GALNT13: variants seen among roughly 807,000 people sequenced by gnomAD.
GALNT13 encodes polypeptide N-acetylgalactosaminyltransferase 13, also known as UDP-GalNAc:polypeptide N-acetylgalactosaminyltransferase 13.
GALNT13 carries 28 observed loss-of-function variants against 64.2 expected under a neutral mutation model. The observed-to-expected ratio is 0.44, with a 90% CI of 0.32 to 0.60. The LOEUF is 0.60. Ranked by LOEUF, GALNT13 falls within the 20% of genes least tolerant of loss-of-function variation. The pLI is 0.05. For synonymous variants in GALNT13, 214 were observed against 224.6 expected (o/e 0.95, Z 0.42); for missense variants, 577 against 669.8 (o/e 0.86, Z 1.53).
At chr2:153,418,285 C>T in the GALNT13 span, among the ~76,000 whole-genome samples, 2 of 152,140 alleles carry the variant, frequency 1.3e-5, no homozygotes, top group African/African-American at 4.8e-5. Context: ...CAAATTCCCC[C>T]CTAGCACCTC....
intron 9 of GALNT13, among the ~76,000 whole-genome samples, chr2:154,302,487 T>A (rs182848360): frequency 6.6e-6 from 1 of 152,300 alleles, no homozygotes; most frequent in Admixed American, 6.5e-5. Context: ...GCTATTTGAT[T>A]TTAATTGGCA....
intron 1 of GALNT13, among the ~76,000 whole-genome samples, chr2:153,899,835 A>C (rs1688108457): frequency 1.3e-5 from 2 of 151,584 alleles, no homozygotes; most frequent in South Asian, 4.2e-4. Context: ...TTTGGTACTT[A>C]AGGGGATTTT....
At chr2:153,500,947 A>G in the GALNT13 span, among the ~76,000 whole-genome samples, 521 of 152,316 alleles carry the variant, frequency 3.4e-3, 3 homozygotes, top group African/African-American at 0.012. Flanking sequence ...TATAACTGAA[A>G]AAGATTAAGC....
the GALNT13 span, among the ~76,000 whole-genome samples, chr2:153,797,635 G>T: frequency 1.3e-5 from 2 of 152,168 alleles, no homozygotes; most frequent in Non-Finnish European, 2.9e-5. Flanking sequence ...TTTGGTAACG[G>T]GAAGTGTGTT....
chr2:154,194,782 G>A (rs1382799762), intron 4 of GALNT13, among the ~76,000 whole-genome samples: 1 of 151,474 alleles, frequency 6.6e-6, no homozygotes, highest in Non-Finnish European at 1.5e-5. Context: ...TGAAGTCAGA[G>A]AGATTAAGCA....
chr2:153,733,869 G>A, the GALNT13 span, among the ~76,000 whole-genome samples: 1 of 152,128 alleles, frequency 6.6e-6, no homozygotes, highest in Non-Finnish European at 1.5e-5. Flanking sequence ...CCAGCAGACC[G>A]TCCTTTTAAA....
intron 8 of GALNT13, among the ~76,000 whole-genome samples, chr2:154,262,990 T>C (rs1690782340): frequency 6.6e-6 from 1 of 152,144 alleles, no homozygotes; most frequent in Non-Finnish European, 1.5e-5. Context: ...CAAAAGTCCT[T>C]GTCTTTTATA....
At chr2:153,091,115 T>G in the GALNT13 span, among the ~76,000 whole-genome samples, 1 of 152,124 alleles carries the variant, frequency 6.6e-6, no homozygotes, top group Non-Finnish European at 1.5e-5. Context: ...CCACTCATCC[T>G]CTGGATTCTG....
chr2:153,368,210 A>G, the GALNT13 span, among the ~76,000 whole-genome samples: 2 of 152,140 alleles, frequency 1.3e-5, no homozygotes, highest in African/African-American at 2.4e-5. Context: ...AAGTGGTGGT[A>G]TTAGGAGGTG....
rs528731354 is a variant in GALNT13 at position 154,030,743 on chromosome 2, C to T, written c.142+86104C>T. ...CATCTGGCTTTTAAAATTTGTAGCACTCCCACCTTCACTTGCCCTCTCTCC... is the reference window on the plus strand; with the variant it reads ...CATCTGGCTTTTAAAATTTGTAGCATTCCCACCTTCACTTGCCCTCTCTCC... On this transcript the variant is annotated intron_variant, in intron 3 of 12. Transcript: ENST00000392825. 1.8e-4 allele frequency among the ~76,000 whole-genome samples: 28 copies of T among 152,204 alleles called. No homozygotes were observed. The South Asian group carries it at 5.8e-3, about 32-fold the overall frequency.
chr2:153,723,209 A>T, the GALNT13 span, among the ~76,000 whole-genome samples: 52 of 143,208 alleles, frequency 3.6e-4, no homozygotes, highest in African/African-American at 1.2e-3. Context: ...AAACCACATG[A>T]TTATCTCAAT....
the GALNT13 span, among the ~76,000 whole-genome samples, chr2:153,512,845 G>T: frequency 6.6e-6 from 1 of 152,164 alleles, no homozygotes; most frequent in Non-Finnish European, 1.5e-5. Flanking sequence ...GGCAAAGAAT[G>T]AGTAAAACTG....
the GALNT13 span, among the ~76,000 whole-genome samples, chr2:153,547,594 G>A: frequency 6.6e-6 from 1 of 152,136 alleles, no homozygotes; most frequent in Non-Finnish European, 1.5e-5. Context: ...TAGATAGTGA[G>A]GATATACCAG....
chr2:154,286,208 A>C (rs1692257043), intron 8 of GALNT13, among the ~76,000 whole-genome samples: 3 of 152,126 alleles, frequency 2.0e-5, no homozygotes, highest in African/African-American at 7.2e-5. Flanking sequence ...CTAGGATTTC[A>C]AGTGCTATGT....
chr2:153,312,201 C>T, the GALNT13 span, among the ~76,000 whole-genome samples: 16,709 of 152,116 alleles, frequency 0.11, 1,124 homozygotes, highest in East Asian at 0.2. Flanking sequence ...TGACTTTCTA[C>T]GGGACAGTCC....
At chr2:153,435,606 T>C in the GALNT13 span, among the ~76,000 whole-genome samples, 1 of 152,078 alleles carries the variant, frequency 6.6e-6, no homozygotes, top group East Asian at 1.9e-4. Context: ...GAATGGGATT[T>C]CACTCATGAT....
intron 4 of GALNT13, among the ~76,000 whole-genome samples, chr2:154,187,410 ACAC>A (rs1339314217): frequency 3.0e-5 from 4 of 134,784 alleles, no homozygotes; most frequent in East Asian, 2.0e-4. Flanking sequence ...ACACACACAC[ACAC>A]AACTTCTAAA....
the GALNT13 span, among the ~76,000 whole-genome samples, chr2:153,164,832 T>C: frequency 3.9e-5 from 6 of 152,170 alleles, no homozygotes; most frequent in South Asian, 4.1e-4. Context: ...CAACTCCCCT[T>C]TCCTGTATTT....
At chr2:154,065,638 A>G (rs1286331636) in intron 3 of GALNT13, among the ~76,000 whole-genome samples, 1 of 152,212 alleles carries the variant, frequency 6.6e-6, no homozygotes, top group Non-Finnish European at 1.5e-5. Context: ...GTGAGTCCAC[A>G]AGAGCCATAG....
Sources: allele counts gnomAD v4.1 joint callset (sites outside exome capture counted in the v4.1 genomes callset), GRCh38; gene constraint gnomAD v4.1.1; transcripts MANE v1.5; gene names NCBI Gene and HGNC (gene_info 2026-07-23, HGNC 2026-07-21).